The following FGD3 variants were observed in gnomAD, a reference collection of about 807,000 sequenced individuals.
FGD3 encodes FYVE, RhoGEF and PH domain-containing protein 3.
A neutral mutation model predicts 71.8 loss-of-function variants in FGD3; 45 were observed. The observed-to-expected ratio is 0.63, with a 90% CI of 0.49 to 0.80. FGD3 has a LOEUF of 0.80. FGD3 is among the 30% of genes least tolerant of loss of function. FGD3 has a pLI of 0.00. For synonymous variants in FGD3, 378 were observed against 392.8 expected (o/e 0.96, Z 0.44); for missense variants, 844 against 951.5 (o/e 0.89, Z 1.49).
intron 3 of FGD3, among the ~76,000 whole-genome samples, chr9:92,986,362 G>T (rs1860187437): frequency 6.6e-6 from 1 of 152,186 alleles, no homozygotes; most frequent in Non-Finnish European, 1.5e-5. Context: ...CCACAAGGGG[G>T]CTGACTCCCC....
chr9:93,023,129 T>C (rs1861989528), intron 14 of FGD3, among the ~76,000 whole-genome samples: 1 of 152,222 alleles, frequency 6.6e-6, no homozygotes, highest in Non-Finnish European at 1.5e-5. Context: ...GTGGCTGCTG[T>C]GCCCAGATGC....
intron 10 of FGD3, 43 bp downstream of exon 10, chr9:93,015,872 G>A (rs759057798): frequency 1.6e-5 from 25 of 1,572,092 alleles, no homozygotes; most frequent in African/African-American, 1.4e-4. Context: ...CCTGGAAGGG[G>A]CACTGAGCAG....
chr9:93,002,576 C>T (rs375394041), intron 3 of FGD3, among the ~76,000 whole-genome samples: 102 of 152,196 alleles, frequency 6.7e-4, no homozygotes, highest in African/African-American at 2.4e-3. Context: ...TGTAGCTTCT[C>T]GGCTGGTCTC....
intron 1 of FGD3, among the ~76,000 whole-genome samples, chr9:92,973,083 T>A (rs2118559833): frequency 6.6e-6 from 1 of 151,864 alleles, no homozygotes; most frequent in South Asian, 2.1e-4. Flanking sequence ...CTTCATTAGT[T>A]ATAGTCCCTT....
At chr9:92,948,096 C>T (rs1175269146) in intron 1 of FGD3, among the ~76,000 whole-genome samples, 1 of 152,168 alleles carries the variant, frequency 6.6e-6, no homozygotes, top group Non-Finnish European at 1.5e-5. Context: ...CTGGACTTCT[C>T]CACCCTTCCC....
At chr9:93,006,607 G>T (rs1392062828) in intron 6 of FGD3, among the ~76,000 whole-genome samples, 2 of 152,122 alleles carry the variant, frequency 1.3e-5, no homozygotes, top group Non-Finnish European at 2.9e-5. Context: ...GGCTTCTCTT[G>T]TCTCCTATAG....
intron 3 of FGD3, among the ~76,000 whole-genome samples, chr9:92,986,312 GTTCT>G (rs1285447602): frequency 2.0e-5 from 3 of 152,244 alleles, no homozygotes; most frequent in African/African-American, 4.8e-5. Context: ...CATCTCTCAT[GTTCT>G]TTAAGTAGAT....
At chr9:92,973,411 G>A (rs1038307478) in intron 1 of FGD3, among the ~76,000 whole-genome samples, 1 of 152,108 alleles carries the variant, frequency 6.6e-6, no homozygotes, top group Non-Finnish European at 1.5e-5. Context: ...CACTGTGCCC[G>A]GCCTCTGCCT....
At chr9:92,986,236 T>C (rs1033255049) in intron 3 of FGD3, among the ~76,000 whole-genome samples, 11 of 152,190 alleles carry the variant, frequency 7.2e-5, no homozygotes, top group South Asian at 2.1e-4. Context: ...CTTATCTCCA[T>C]GACCTTATAG....
rs376441612 is a variant in FGD3 at position 93,004,063 on chromosome 9, T to C, written c.606T>C (p.Ser202=). 1 of 1,614,188 alleles carries C rather than the reference T, an allele frequency of 6.2e-7. No individual in the cohort carries two copies. Residue 202 remains serine, a synonymous_variant, in exon 5 of 18, where the codon TCT becomes TCC. Transcript: ENST00000375482. ...CAGAAGTCATCATGGGCATATTCTC[T>C]AACATCTCCTCCATCCACCGCTTCC... The part of the protein sequence containing the change: ...IPPEVIMGIF[S]NISSIHRFHG...
At chr9:93,010,152 G>A (rs1356539889) in intron 6 of FGD3, 94 bp from the exon 7 acceptor site, 11 of 1,472,872 alleles carry the variant, frequency 7.5e-6, no homozygotes, top group Non-Finnish European at 8.2e-6. Flanking sequence ...GCCAGTTCCG[G>A]GCAGCTTCCT....
intron 14 of FGD3, among the ~76,000 whole-genome samples, chr9:93,026,298 T>C (rs1436118956): frequency 6.6e-6 from 1 of 152,150 alleles, no homozygotes; most frequent in Non-Finnish European, 1.5e-5. Context: ...GGGCCCAGCT[T>C]TTCTGATATC....
chr9:92,986,383 T>G (rs1860188051), intron 3 of FGD3, among the ~76,000 whole-genome samples: 3 of 152,188 alleles, frequency 2.0e-5, no homozygotes, highest in Admixed American at 6.5e-5. Flanking sequence ...TGCCTTTGAA[T>G]ATGACCTTGA....
At chr9:92,982,749 C>T (rs1006233369) in intron 3 of FGD3, among the ~76,000 whole-genome samples, 4 of 152,052 alleles carry the variant, frequency 2.6e-5, no homozygotes, top group African/African-American at 9.7e-5. Flanking sequence ...TATCAGAAAC[C>T]TGCATTTAGG....
chr9:92,998,879 C>T (rs965456361), intron 3 of FGD3, among the ~76,000 whole-genome samples: 5 of 152,136 alleles, frequency 3.3e-5, no homozygotes, highest in African/African-American at 9.7e-5. Context: ...GTCAGTCGGC[C>T]CCTACTGGGA....
chr9:92,967,427 C>T (rs958311315), intron 1 of FGD3, among the ~76,000 whole-genome samples: 8 of 152,228 alleles, frequency 5.3e-5, no homozygotes, highest in Non-Finnish European at 1.2e-4. Flanking sequence ...AGCCACCATT[C>T]TGGTTTCTGT....
chr9:92,973,797 C>T (rs899804249), intron 1 of FGD3, among the ~76,000 whole-genome samples: 4 of 152,164 alleles, frequency 2.6e-5, no homozygotes, highest in African/African-American at 4.8e-5. Context: ...GAACGGTCCT[C>T]GAGGAGCCCC....
rs192330169 is a variant in FGD3 at position 92,963,245 on chromosome 9, G to A, written c.-217-11993G>A. The stretch of plus-strand genomic sequence containing the variant: ...GAGTAACCATTCACAGGGCACCTGC[G>A]GCAGCACCTGGCACAGGGAAACTGA... On this transcript the variant is annotated intron_variant, in intron 1 of 17. Transcript: ENST00000375482. Among the ~76,000 whole-genome samples, 46 of 152,288 alleles carry A rather than the reference G, an allele frequency of 3.0e-4. No individual in the cohort carries two copies. In the East Asian group the frequency reaches 4.4e-3, roughly 15 times the overall value.
intron 9 of FGD3, 131 bp from the exon 10 acceptor site, chr9:93,015,606 T>C (rs2118770227): frequency 1.7e-6 from 1 of 598,476 alleles, no homozygotes; most frequent in Non-Finnish European, 3.0e-6. Flanking sequence ...ACTGCACATA[T>C]CTTTTAAAAA....
Sources: allele counts gnomAD v4.1 joint callset (sites outside exome capture counted in the v4.1 genomes callset), GRCh38; gene constraint gnomAD v4.1.1; transcripts MANE v1.5; gene names NCBI Gene and HGNC (gene_info 2026-07-23, HGNC 2026-07-21).